SMOC2: variants seen among roughly 807,000 people sequenced by gnomAD.
SMOC2 encodes SPARC-related modular calcium-binding protein 2.
A neutral mutation model predicts 61.4 loss-of-function variants in SMOC2; 39 were observed. The observed-to-expected ratio is 0.64, with a 90% CI of 0.49 to 0.83. SMOC2 has a LOEUF of 0.83. Among genes scored for constraint, SMOC2 ranks in the 40% least tolerant of loss-of-function variants. The pLI, the probability that SMOC2 is intolerant of heterozygous loss-of-function variation, is 0.00. For synonymous variants in SMOC2, 247 were observed against 239.9 expected (o/e 1.03, Z -0.27); for missense variants, 556 against 592.9 (o/e 0.94, Z 0.65).
Position 168,510,054 on chromosome 6 carries a change from A to G in SMOC2, c.224A>G (p.Gln75Arg). 1 of 1,614,194 alleles carries G rather than the reference A, an allele frequency of 6.2e-7. No individual in the cohort carries two copies. Among genetic ancestry groups the G allele is most frequent in the Non-Finnish European group, 8.5e-7 (1 of 1,180,008 alleles). ...CAACGTGCCAAGTGCAAAGATCCCC[A>G]GCTAGAGATTGCATATCGAGGAAAC... Reference protein sequence around the residue: ...EFQRAKCKDPQLEIAYRGNCK... With the variant: ...EFQRAKCKDPRLEIAYRGNCK... Residue 75 changes from glutamine (Q) to arginine (R), a missense_variant, in exon 2 of 13, where the codon CAG becomes CGG. Transcript: ENST00000356284.
chr6:168,461,151 T>C (rs1781711447), intron 1 of SMOC2, among the ~76,000 whole-genome samples: 1 of 152,206 alleles, frequency 6.6e-6, no homozygotes, highest in South Asian at 2.1e-4. Flanking sequence ...CCATCTTACA[T>C]GGATGGCAGG....
At chr6:168,529,249 T>C (rs1386711279) in intron 4 of SMOC2, among the ~76,000 whole-genome samples, 1 of 152,180 alleles carries the variant, frequency 6.6e-6, no homozygotes, top group African/African-American at 2.4e-5. Context: ...GTCCAAGGAA[T>C]GGACTGGGGA....
rs1782048558 is a variant in SMOC2, at chr6:168,475,054, T to G, written c.84+33600T>G. ...AATGTAAGGTCGTTGTGGCTGTAGC[T>G]TCAGAATAGATCCCTTTATGGTAGG... On this transcript the variant is annotated intron_variant, in intron 1 of 12. Coordinates refer to ENST00000356284, the MANE Select transcript of SMOC2 (RefSeq NM_001166412.2). This position sits in a 1 kb window ranked among gnomAD's most constrained non-coding sequence, Gnocchi z 4.6. 6.6e-6 allele frequency among the ~76,000 whole-genome samples: 1 copy of G among 152,126 alleles called. No homozygotes were observed. The highest frequency in any genetic ancestry group is 6.5e-5 in the Admixed American group (1 of 15,284).
At chr6:168,574,088 C>G (rs71573473) in intron 7 of SMOC2, among the ~76,000 whole-genome samples, 21 of 152,230 alleles carry the variant, frequency 1.4e-4, no homozygotes, top group South Asian at 2.1e-4. Context: ...TGGAAACAAG[C>G]GCACTCAATA....
In SMOC2 at chr6:168,666,680, G is replaced by C. The variant is rs1287932009; in HGVS notation, c.*242G>C. The C allele has an allele frequency of 1.8e-6, 1 of 563,120 alleles. No individual in the cohort carries two copies. The highest frequency in any genetic ancestry group is 1.9e-5 in the African/African-American group (1 of 52,752). 34.9% of individuals were successfully genotyped at this position (563,120 alleles called of 1,614,324 possible). ...TTTTGACCTTGGAAATCTGTATGTGGTGGAGAAGTATTTGAATGCATTTAG... is the reference window on the plus strand; with the variant it reads ...TTTTGACCTTGGAAATCTGTATGTGCTGGAGAAGTATTTGAATGCATTTAG... On this transcript the variant is annotated 3_prime_UTR_variant, in exon 13 of 13. Transcript: ENST00000356284.
intron 1 of SMOC2, among the ~76,000 whole-genome samples, chr6:168,474,909 T>A (rs368176905): frequency 6.6e-6 from 1 of 152,198 alleles, no homozygotes; most frequent in Non-Finnish European, 1.5e-5. Context: ...TTCATACTTA[T>A]GGGGATGCAT....
At chr6:168,665,139 A>G in intron 12 of SMOC2, 1 of 228,746 alleles carries the variant, frequency 4.4e-6, no homozygotes, top group Non-Finnish European at 8.6e-6. Context: ...CTGAGTGCCA[A>G]GACCTCCAGA....
chr6:168,530,165 A>ATG (rs1004135742), intron 4 of SMOC2, among the ~76,000 whole-genome samples: 2 of 152,144 alleles, frequency 1.3e-5, no homozygotes, highest in African/African-American at 4.8e-5. Flanking sequence ...CAGAAAGTGC[A>ATG]TGTGTGTGTG....
At chr6:168,493,713 GACAA>G (rs958112660) in intron 1 of SMOC2, among the ~76,000 whole-genome samples, 21 of 152,108 alleles carry the variant, frequency 1.4e-4, no homozygotes, top group Non-Finnish European at 7.4e-5. Context: ...ATTAGCTTTT[GACAA>G]ACAAGTTGAC....
At chr6:168,515,163 A>G (rs1395611856) in intron 2 of SMOC2, among the ~76,000 whole-genome samples, 2 of 152,248 alleles carry the variant, frequency 1.3e-5, no homozygotes, top group Non-Finnish European at 1.5e-5. Context: ...GTTTTATACC[A>G]TAAATTATGA....
At chr6:168,581,140 C>G (rs56143177) in intron 7 of SMOC2, among the ~76,000 whole-genome samples, 4 of 152,030 alleles carry the variant, frequency 2.6e-5, no homozygotes, top group Non-Finnish European at 5.9e-5. Flanking sequence ...CCCCTGCCCC[C>G]ACACCTGGTC....
chr6:168,608,042 G>A, intron 8 of SMOC2, 115 bp from the exon 9 acceptor site: 2 of 884,428 alleles, frequency 2.3e-6, no homozygotes, highest in Non-Finnish European at 3.5e-6. Context: ...TAGCATCAGA[G>A]CCACAGGTCA....
chr6:168,456,683 A>T (rs1482399434), intron 1 of SMOC2, among the ~76,000 whole-genome samples: 1 of 152,224 alleles, frequency 6.6e-6, no homozygotes, highest in Non-Finnish European at 1.5e-5. Context: ...GGCTGATCTC[A>T]GAGAAGCCTC....
intron 4 of SMOC2, among the ~76,000 whole-genome samples, chr6:168,534,545 C>A (rs1783690285): frequency 6.6e-6 from 1 of 152,206 alleles, no homozygotes; most frequent in Non-Finnish European, 1.5e-5. Flanking sequence ...CCCAGCCTTT[C>A]CTCTGCTTCA....
intron 1 of SMOC2, among the ~76,000 whole-genome samples, chr6:168,454,412 G>A (rs2114996527): frequency 6.6e-6 from 1 of 151,988 alleles, no homozygotes. Flanking sequence ...GATGCTTTCT[G>A]GGTTTTCCAG....
At chr6:168,631,605 A>G (rs557880389) in intron 9 of SMOC2, among the ~76,000 whole-genome samples, 3 of 152,282 alleles carry the variant, frequency 2.0e-5, no homozygotes, top group Non-Finnish European at 4.4e-5. Context: ...TGCTTGGGAA[A>G]AGCTTTTCTT....
At chr6:168,602,053 A>G (rs951215223) in intron 8 of SMOC2, among the ~76,000 whole-genome samples, 4 of 152,210 alleles carry the variant, frequency 2.6e-5, no homozygotes, top group African/African-American at 9.7e-5. Flanking sequence ...CATTCAGCAC[A>G]AATACTGATT....
At chr6:168,559,790 GC>G (rs1562347554) in intron 7 of SMOC2, among the ~76,000 whole-genome samples, 1 of 152,206 alleles carries the variant, frequency 6.6e-6, no homozygotes, top group East Asian at 1.9e-4. Flanking sequence ...AATTTTACCA[GC>G]CCCCCTAATA....
At chr6:168,525,113 C>G (rs570730702) in intron 2 of SMOC2, among the ~76,000 whole-genome samples, 2 of 152,200 alleles carry the variant, frequency 1.3e-5, no homozygotes, top group Admixed American at 6.5e-5. Flanking sequence ...TCTGGAAATA[C>G]GTTTTTTAAA....
Sources: allele counts gnomAD v4.1 joint callset (sites outside exome capture counted in the v4.1 genomes callset), GRCh38; gene constraint gnomAD v4.1.1; non-coding constraint Gnocchi (gnomAD v3.1); transcripts MANE v1.5; gene names NCBI Gene and HGNC (gene_info 2026-07-23, HGNC 2026-07-21).